Variants in XIRP2 observed in about 807,000 individuals in gnomAD.
XIRP2 encodes the protein xin actin-binding repeat-containing protein 2.
XIRP2 carries 236 observed loss-of-function variants against 277.0 expected under a neutral mutation model. The observed-to-expected ratio is 0.85, with a 90% CI of 0.77 to 0.95. XIRP2 has a LOEUF of 0.95. XIRP2 is among the 40% of genes least tolerant of loss of function. XIRP2 has a pLI of 0.00. For missense variants in XIRP2, 4,640 were observed against 4,157.5 expected (o/e 1.12, Z -3.19); for synonymous variants, 1,490 against 1,416.5 (o/e 1.05, Z -1.17).
chr2:167,067,571 C>T (rs188954167), intron 2 of XIRP2, among the ~76,000 whole-genome samples: 60 of 152,254 alleles, frequency 3.9e-4, no homozygotes, highest in African/African-American at 1.4e-3. Context: ...TACCTTTACA[C>T]CATACTGTCA....
intron 2 of XIRP2, among the ~76,000 whole-genome samples, chr2:167,010,031 T>A (rs1195178031): frequency 1.6e-4 from 25 of 152,118 alleles, no homozygotes; most frequent in Non-Finnish European, 2.8e-4. Context: ...TTCACGCTGA[T>A]GGTAGTTTCT....
intron 5 of XIRP2, among the ~76,000 whole-genome samples, chr2:167,229,469 A>G (rs994701028): frequency 2.0e-4 from 31 of 152,238 alleles, no homozygotes; most frequent in African/African-American, 6.7e-4. Flanking sequence ...GAAATCATTA[A>G]TGTTATAGAC....
chr2:167,053,607 T>C (rs953334112), intron 2 of XIRP2, among the ~76,000 whole-genome samples: 1 of 152,192 alleles, frequency 6.6e-6, no homozygotes, highest in African/African-American at 2.4e-5. Flanking sequence ...TTACCTTATT[T>C]TTATATGCAA....
intron 2 of XIRP2, among the ~76,000 whole-genome samples, chr2:166,938,948 G>T (rs1202037080): frequency 6.6e-6 from 1 of 152,072 alleles, no homozygotes; most frequent in Non-Finnish European, 1.5e-5. Flanking sequence ...TTGCTTGGTA[G>T]ATCTTCCTCC....
chr2:167,079,201 A>G (rs1689663464), intron 2 of XIRP2, among the ~76,000 whole-genome samples: 3 of 152,244 alleles, frequency 2.0e-5, no homozygotes, highest in Non-Finnish European at 4.4e-5. Context: ...CATCCAAGAA[A>G]TGAAGCCTAC....
At chr2:167,065,193 A>G (rs1212954653) in intron 2 of XIRP2, among the ~76,000 whole-genome samples, 1 of 151,874 alleles carries the variant, frequency 6.6e-6, no homozygotes, top group East Asian at 1.9e-4. Context: ...ACAGTAGCCA[A>G]TCTAATGGGT....
intron 2 of XIRP2, among the ~76,000 whole-genome samples, chr2:167,082,468 G>A (rs561197628): frequency 6.6e-6 from 1 of 151,882 alleles, no homozygotes; most frequent in African/African-American, 2.4e-5. Flanking sequence ...CCCAGTAATG[G>A]GATGGCTGGG....
At position 167,246,943 on chromosome 2, in the gene XIRP2, G is replaced by T. The variant is rs781223920; in HGVS notation, c.5551G>T (p.Ala1851Ser). The stretch of plus-strand genomic sequence containing the variant: ...ATCAACCCTAAATTCCCTCAGCCAG[G>T]CTGTAAATCAGAAAACAGTGACGAA... Reference protein sequence around the residue: ...LTSTLNSLSQAVNQKTVTKTE... With the variant: ...LTSTLNSLSQSVNQKTVTKTE... The change falls in exon 9 of 11, where the codon GCT (alanine) becomes TCT (serine). Residue 1851 changes from alanine to serine, a missense_variant. Transcript: ENST00000409195. 2.5e-5 allele frequency: 41 copies of T among 1,613,394 alleles called. No individual in the cohort carries two copies. Among genetic ancestry groups the T allele is most frequent in the Non-Finnish European group, 3.3e-5 (39 of 1,179,778 alleles).
chr2:167,120,626 T>TA (rs1471757156), intron 2 of XIRP2, among the ~76,000 whole-genome samples: 10 of 152,172 alleles, frequency 6.6e-5, no homozygotes, highest in African/African-American at 2.4e-4. Flanking sequence ...TGAAAGAAGA[T>TA]AAAGACTCAT....
chr2:166,988,589 C>T (rs1380593251), intron 2 of XIRP2, among the ~76,000 whole-genome samples: 4 of 133,778 alleles, frequency 3.0e-5, no homozygotes, highest in East Asian at 2.7e-4. Context: ...AGACAGTGGG[C>T]GCAGGCCAGT....
chr2:167,079,159 C>T (rs945910777), intron 2 of XIRP2, among the ~76,000 whole-genome samples: 7 of 152,260 alleles, frequency 4.6e-5, no homozygotes, highest in African/African-American at 7.2e-5. Context: ...ATGAATCACA[C>T]GTATTGATTT....
At chr2:167,199,568 T>G (rs1693619038) in intron 3 of XIRP2, among the ~76,000 whole-genome samples, 1 of 152,202 alleles carries the variant, frequency 6.6e-6, no homozygotes. Flanking sequence ...ACCAATGCAC[T>G]GCTTTGACCC....
intron 2 of XIRP2, among the ~76,000 whole-genome samples, chr2:167,056,854 C>T (rs536362753): frequency 6.6e-5 from 10 of 152,088 alleles, no homozygotes; most frequent in Admixed American, 2.6e-4. Flanking sequence ...TCTTATAAAG[C>T]GGGGAGCTTT....
chr2:166,958,601 T>C (rs1228191796), intron 2 of XIRP2, among the ~76,000 whole-genome samples: 1 of 151,784 alleles, frequency 6.6e-6, no homozygotes. Context: ...TAAAATAAAA[T>C]AAAATGCCTG....
At chr2:167,072,188 A>G (rs1689454062) in intron 2 of XIRP2, among the ~76,000 whole-genome samples, 1 of 152,172 alleles carries the variant, frequency 6.6e-6, no homozygotes, top group Non-Finnish European at 1.5e-5. Context: ...ATGTGTGAAT[A>G]CAAACATACA....
intron 3 of XIRP2, among the ~76,000 whole-genome samples, chr2:167,174,599 G>C (rs183100985): frequency 3.9e-5 from 6 of 151,964 alleles, no homozygotes; most frequent in South Asian, 2.1e-4. Flanking sequence ...AGGGCTTTTC[G>C]TGTCTCTATC....
chr2:166,890,235 C>T (rs1038717104), intron 1 of XIRP2, among the ~76,000 whole-genome samples: 5 of 152,000 alleles, frequency 3.3e-5, no homozygotes, highest in African/African-American at 1.2e-4. Flanking sequence ...CCTCATGATC[C>T]TCCCACCTCA....
At chr2:167,108,287 T>C in intron 2 of XIRP2, among the ~76,000 whole-genome samples, 1 of 152,012 alleles carries the variant, frequency 6.6e-6, no homozygotes, top group East Asian at 1.9e-4. Context: ...ATCTTTACAA[T>C]GAACTAGCTT....
chr2:167,246,436 G>A lies in XIRP2; in HGVS notation c.5044G>A (p.Asp1682Asn), dbSNP rs371315177. The part of the protein sequence containing the change: ...SVKKGILIQE[D>N]EKGDINMTIY... ...AAAGAAAGGCATCTTAATTCAGGAA[G>A]ATGAAAAAGGAGATATTAACATGAC... Residue 1682 changes from aspartate to asparagine, a missense_variant, in exon 9 of 11, where the codon GAT becomes AAT. Transcript: ENST00000409195. The A allele has an allele frequency of 1.9e-5, 31 of 1,613,574 alleles. No homozygotes were observed. The highest frequency in any genetic ancestry group is 2.6e-5 in the Non-Finnish European group (31 of 1,179,794).
Sources: allele counts gnomAD v4.1 joint callset (sites outside exome capture counted in the v4.1 genomes callset), GRCh38; gene constraint gnomAD v4.1.1; transcripts MANE v1.5; gene names NCBI Gene and HGNC (gene_info 2026-07-23, HGNC 2026-07-21).